AIG1: variants seen among roughly 807,000 people sequenced by gnomAD.
AIG1 encodes the protein androgen-induced gene 1 protein.
In AIG1, 23 loss-of-function variants were observed where a neutral mutation model predicts 31.4. The observed-to-expected ratio is 0.73, with a 90% CI of 0.53 to 1.04. AIG1 has a LOEUF of 1.04. Among genes scored for constraint, AIG1 ranks in the 50% least tolerant of loss-of-function variants. The probability of loss-of-function intolerance (pLI) is 0.00; values close to 1 mark genes in which losing one functional copy is unlikely to be tolerated. For missense variants in AIG1, 274 were observed against 295.0 expected, an observed-to-expected ratio of 0.93 and a Z score of 0.52; for synonymous variants, 100 against 110.5, an observed-to-expected ratio of 0.90 and a Z score of 0.60.
rs78712176 is a variant in AIG1 at position 143,149,674 on chromosome 6, C to T, written c.297+12684C>T. Among the ~76,000 whole-genome samples, 1,507 of 151,730 alleles carry T rather than the reference C, an allele frequency of 9.9e-3. 25 individuals are homozygous for T. The highest frequency in any genetic ancestry group is 0.034 in the African/African-American group (1,417 of 41,366). ...GAGCTTCTGTTGTTTCCCTTTGATACACTGTTTCACACTGTAGAGCCAATG... is the reference window on the plus strand; with the variant it reads ...GAGCTTCTGTTGTTTCCCTTTGATATACTGTTTCACACTGTAGAGCCAATG... On this transcript the variant is annotated intron_variant, in intron 2 of 5. Transcript: ENST00000357847.
intron 3 of AIG1, among the ~76,000 whole-genome samples, chr6:143,235,267 G>GTTT (rs933674225): frequency 3.3e-5 from 5 of 150,082 alleles, no homozygotes; most frequent in African/African-American, 1.2e-4. Context: ...TTCCATGCAA[G>GTTT]TTTTTTTTTT....
At chr6:143,276,410 G>A (rs1356302234) in intron 3 of AIG1, among the ~76,000 whole-genome samples, 1 of 152,098 alleles carries the variant, frequency 6.6e-6, no homozygotes, top group Non-Finnish European at 1.5e-5. Context: ...TTCACCTTGG[G>A]TCACTGTTTC....
At position 143,313,952 on chromosome 6, in the gene AIG1, G is replaced by C. The variant is rs1034219048; in HGVS notation, c.516-19330G>C. On this transcript the variant is annotated intron_variant, in intron 4 of 5. Transcript: ENST00000357847. Reference sequence around the variant, plus strand: ...CTCCTAAGATTGGGAACAAGGCAAGGATATTCCCTCTCACAACTCCTATTC... The same window carrying C: ...CTCCTAAGATTGGGAACAAGGCAAGCATATTCCCTCTCACAACTCCTATTC... 3.9e-5 allele frequency among the ~76,000 whole-genome samples: 6 copies of C among 151,988 alleles called. No individual in the cohort carries two copies. In the East Asian group the frequency reaches 1.2e-3, roughly 29 times the overall value.
intron 1 of AIG1, among the ~76,000 whole-genome samples, chr6:143,111,588 C>T (rs753141008): frequency 3.3e-5 from 5 of 152,164 alleles, no homozygotes; most frequent in East Asian, 1.9e-4. Context: ...AGTCTTCTGA[C>T]GTTTTTGAAA....
downstream of AIG1, chr6:143,343,248 C>A (rs1777890480): frequency 3.0e-6 from 2 of 657,624 alleles, no homozygotes; most frequent in African/African-American, 1.8e-5. Flanking sequence ...TGCAGCACAT[C>A]TTGGGGGAGC....
At chr6:143,137,525 C>T (rs1783872707) in intron 2 of AIG1, among the ~76,000 whole-genome samples, 1 of 152,136 alleles carries the variant, frequency 6.6e-6, no homozygotes, top group Non-Finnish European at 1.5e-5. Context: ...GTCAACCAGG[C>T]TTTTGAACTT....
At chr6:143,082,208 T>A (rs143827277) in intron 1 of AIG1, among the ~76,000 whole-genome samples, 2,105 of 152,318 alleles carry the variant, frequency 0.014, 21 homozygotes, top group Middle Eastern at 0.048. Flanking sequence ...TTCTGCCAGC[T>A]GAGTGCTAGT....
rs558412210 is a variant in AIG1 at position 143,256,025 on chromosome 6, T to A, written c.400-28085T>A. Among the ~76,000 whole-genome samples the A allele has an allele frequency of 6.6e-6, 1 of 152,314 alleles. No individual in the cohort carries two copies. The highest frequency in any genetic ancestry group is 1.9e-4 in the East Asian group (1 of 5,188). On this transcript the variant is annotated intron_variant, in intron 3 of 5. Coordinates refer to ENST00000357847, the MANE Select transcript of AIG1 (RefSeq NM_016108.4). The surrounding 1 kb of genome is among the most constrained non-coding windows in gnomAD (Gnocchi z 4.6). ...CATAGTTATTTTCATTATTGTACAG[T>A]TTTGGAGTCTTCCTTTACAAATGGT...
At chr6:143,207,389 A>C (rs1191988613) in intron 3 of AIG1, among the ~76,000 whole-genome samples, 1 of 152,124 alleles carries the variant, frequency 6.6e-6, no homozygotes, top group Non-Finnish European at 1.5e-5. Flanking sequence ...TATTTCTGTT[A>C]ATGTCATTGC....
intron 3 of AIG1, among the ~76,000 whole-genome samples, chr6:143,224,973 A>G (rs1309273545): frequency 1.3e-5 from 2 of 152,192 alleles, no homozygotes; most frequent in African/African-American, 2.4e-5. Context: ...TGCCCGCTTA[A>G]TAAAGTTAAA....
At chr6:143,343,837 A>G (rs1457906321), downstream of AIG1, among the ~76,000 whole-genome samples, 1 of 152,192 alleles carries the variant, frequency 6.6e-6, no homozygotes, top group Non-Finnish European at 1.5e-5. Flanking sequence ...TATTAAGACT[A>G]GTACCTATTA....
intron 3 of AIG1, chr6:143,190,198 AGAAAG>A (rs150658349): frequency 0.035 from 34,950 of 985,244 alleles, 764 homozygotes; most frequent in South Asian, 0.093. Flanking sequence ...GATGAGAAAA[AGAAAG>A]GAAAGTACAA....
At chr6:143,274,093 C>G (rs1796726363) in intron 3 of AIG1, among the ~76,000 whole-genome samples, 1 of 152,142 alleles carries the variant, frequency 6.6e-6, no homozygotes, top group South Asian at 2.1e-4. Flanking sequence ...TCCCTCAGAC[C>G]CTGGAATCTT....
intron 3 of AIG1, among the ~76,000 whole-genome samples, chr6:143,241,940 G>C (rs577054580): frequency 6.6e-6 from 1 of 152,288 alleles, no homozygotes; most frequent in African/African-American, 2.4e-5. Context: ...TTCATGTTTA[G>C]ATTTGGGTCC....
chr6:143,242,265 G>C (rs779614541), intron 3 of AIG1, among the ~76,000 whole-genome samples: 16 of 152,188 alleles, frequency 1.1e-4, no homozygotes, highest in Non-Finnish European at 1.6e-4. Context: ...CTGAGTGGCA[G>C]GGTTGCTGTG....
intron 4 of AIG1, among the ~76,000 whole-genome samples, chr6:143,301,977 TTGATC>T (rs1414332303): frequency 6.6e-6 from 1 of 151,088 alleles, no homozygotes; most frequent in Non-Finnish European, 1.5e-5. Flanking sequence ...TAGTGTCCTT[TTGATC>T]TTATTCCAGG....
At chr6:143,289,228 A>G (rs1440555484) in intron 4 of AIG1, among the ~76,000 whole-genome samples, 1 of 152,142 alleles carries the variant, frequency 6.6e-6, no homozygotes, top group Non-Finnish European at 1.5e-5. Context: ...AAAATATGTC[A>G]AAGAAATATA....
At chr6:143,100,560 T>G (rs191737543) in intron 1 of AIG1, among the ~76,000 whole-genome samples, 188 of 152,380 alleles carry the variant, frequency 1.2e-3, no homozygotes, top group Non-Finnish European at 2.5e-3. Flanking sequence ...TTACTAAGTT[T>G]AATCTTCTGA....
intron 2 of AIG1, among the ~76,000 whole-genome samples, chr6:143,153,905 A>G (rs1450823218): frequency 1.3e-5 from 2 of 151,520 alleles, no homozygotes; most frequent in East Asian, 3.9e-4. Context: ...TATTTATTCA[A>G]CCAATTATTA....
Sources: allele counts gnomAD v4.1 joint callset (sites outside exome capture counted in the v4.1 genomes callset), GRCh38; gene constraint gnomAD v4.1.1; non-coding constraint Gnocchi (gnomAD v3.1); transcripts MANE v1.5; gene names NCBI Gene and HGNC (gene_info 2026-07-23, HGNC 2026-07-21).